Variants in KCNB2 observed in about 807,000 individuals in gnomAD.
KCNB2 encodes delayed rectifier potassium channel protein.
Under a neutral mutation model 61.5 loss-of-function variants are expected in KCNB2, and 15 were observed. That is an observed-to-expected ratio of 0.24 (90% CI 0.16 to 0.38). KCNB2 has a LOEUF of 0.38. Among genes scored for constraint, KCNB2 ranks in the 10% least tolerant of loss-of-function variants. The pLI is 1.00. For synonymous variants in KCNB2, 457 were observed against 446.0 expected (o/e 1.02, Z -0.31); for missense variants, 828 against 1,125.2 (o/e 0.74, Z 3.78).
rs112161895 is a variant in KCNB2 at position 72,839,146 on chromosome 8, A to G, written c.580-96789A>G. 2.6e-3 allele frequency among the ~76,000 whole-genome samples: 395 copies of G among 152,292 alleles called. 2 individuals are homozygous for G. Among genetic ancestry groups the G allele is most frequent in the African/African-American group, 8.9e-3 (372 of 41,566 alleles). On this transcript the variant is annotated intron_variant, in intron 2 of 2. Transcript: ENST00000523207. The stretch of plus-strand genomic sequence containing the variant: ...ATTTCTTCTGCTTTTCTCATTACCA[A>G]ACGTATACCTTTTCTAGTTAAATCA...
intron 2 of KCNB2, among the ~76,000 whole-genome samples, chr8:72,783,419 G>A (rs979248089): frequency 5.3e-5 from 8 of 152,058 alleles, no homozygotes; most frequent in African/African-American, 1.7e-4. Flanking sequence ...TCTTCAAACT[G>A]CTAATCTCTC....
Position 72,938,192 on chromosome 8 carries a change from C to T in KCNB2, c.*101C>T. The T allele has an allele frequency of 1.1e-6, 1 of 927,902 alleles. No homozygotes were observed. The highest frequency in any genetic ancestry group is 1.7e-5 in the South Asian group (1 of 59,440). 57.5% of individuals were successfully genotyped at this position (927,902 alleles called of 1,614,324 possible). On this transcript the variant is annotated 3_prime_UTR_variant, in exon 3 of 3. Coordinates refer to ENST00000523207, the MANE Select transcript of KCNB2 (RefSeq NM_004770.3). ...CCTGTGAACTAAAAAAATGGGAAGCCCTCCCCAAAAAAAGTGCATAAAATG... is the reference window on the plus strand; with the variant it reads ...CCTGTGAACTAAAAAAATGGGAAGCTCTCCCCAAAAAAAGTGCATAAAATG...
intron 2 of KCNB2, among the ~76,000 whole-genome samples, chr8:72,612,757 G>T (rs558358299): frequency 6.6e-4 from 101 of 152,098 alleles, no homozygotes; most frequent in Non-Finnish European, 1.1e-3. Flanking sequence ...TTTTCCTGAG[G>T]CAAGTATGAT....
At chr8:72,858,618 G>A (rs957501579) in intron 2 of KCNB2, among the ~76,000 whole-genome samples, 5 of 152,190 alleles carry the variant, frequency 3.3e-5, no homozygotes, top group Non-Finnish European at 5.9e-5. Flanking sequence ...ACAGCTTGAC[G>A]CTGTAGTCAT....
intron 2 of KCNB2, among the ~76,000 whole-genome samples, chr8:72,775,951 C>T (rs1808641966): frequency 6.6e-6 from 1 of 152,158 alleles, no homozygotes; most frequent in African/African-American, 2.4e-5. Flanking sequence ...CACATGCACA[C>T]ATATGTTCAT....
chr8:72,664,943 G>A (rs1324678580), intron 2 of KCNB2, among the ~76,000 whole-genome samples: 8 of 152,150 alleles, frequency 5.3e-5, no homozygotes, highest in Non-Finnish European at 2.9e-5. Context: ...GAGAATGCCT[G>A]CAGTATAATA....
At chr8:72,579,285 A>G (rs924918014) in intron 2 of KCNB2, among the ~76,000 whole-genome samples, 1 of 152,070 alleles carries the variant, frequency 6.6e-6, no homozygotes, top group Non-Finnish European at 1.5e-5. Flanking sequence ...ATCAGACTTC[A>G]TATTTATTTT....
At chr8:72,607,475 C>T (rs911886242) in intron 2 of KCNB2, among the ~76,000 whole-genome samples, 1 of 152,206 alleles carries the variant, frequency 6.6e-6, no homozygotes, top group African/African-American at 2.4e-5. Flanking sequence ...GTTACCATTA[C>T]AGTGACTCAT....
chr8:72,569,253 C>A (rs116032588), intron 2 of KCNB2, among the ~76,000 whole-genome samples: 1 of 152,018 alleles, frequency 6.6e-6, no homozygotes, highest in African/African-American at 2.4e-5. Context: ...AAATGGAGTA[C>A]GGAATGGAGA....
chr8:72,799,502 A>C (rs1163759593), intron 2 of KCNB2, among the ~76,000 whole-genome samples: 1 of 152,162 alleles, frequency 6.6e-6, no homozygotes, highest in Non-Finnish European at 1.5e-5. Flanking sequence ...AATAATTTAC[A>C]TTCAAAACAC....
intron 2 of KCNB2, among the ~76,000 whole-genome samples, chr8:72,765,595 A>G (rs781131841): frequency 5.3e-5 from 8 of 152,224 alleles, no homozygotes; most frequent in Non-Finnish European, 1.0e-4. Context: ...TTTAATGGAA[A>G]ATAGTCACTT....
intron 2 of KCNB2, among the ~76,000 whole-genome samples, chr8:72,620,945 G>T (rs1285564434): frequency 6.6e-6 from 1 of 152,064 alleles, no homozygotes; most frequent in Non-Finnish European, 1.5e-5. Context: ...ATTGGATTAC[G>T]TTTTAGGCCC....
chr8:72,814,120 A>G (rs1563392801), intron 2 of KCNB2, among the ~76,000 whole-genome samples: 2 of 151,852 alleles, frequency 1.3e-5, no homozygotes, highest in African/African-American at 2.4e-5. Flanking sequence ...CTTTTTTTGT[A>G]TCTAGTTTCT....
At chr8:72,620,127 A>C (rs1805693172) in intron 2 of KCNB2, among the ~76,000 whole-genome samples, 1 of 152,262 alleles carries the variant, frequency 6.6e-6, no homozygotes, top group African/African-American at 2.4e-5. Context: ...TCTACTTTTA[A>C]AAATACCTCT....
At chr8:72,730,397 G>A (rs1807721161) in intron 2 of KCNB2, among the ~76,000 whole-genome samples, 1 of 152,078 alleles carries the variant, frequency 6.6e-6, no homozygotes, top group Non-Finnish European at 1.5e-5. Flanking sequence ...AATGTCAATT[G>A]AATACTAAAA....
chr8:72,636,374 A>T (rs1346579085), intron 2 of KCNB2, among the ~76,000 whole-genome samples: 3 of 152,206 alleles, frequency 2.0e-5, no homozygotes, highest in Non-Finnish European at 4.4e-5. Context: ...CTAGATTTTT[A>T]TGTAAATTAG....
In KCNB2 at chr8:72,644,139, G is replaced by A. The variant is rs1806094797; in HGVS notation, c.579+75826G>A. 2.0e-5 allele frequency among the ~76,000 whole-genome samples: 3 copies of A among 152,028 alleles called. 1 individual carries two copies. Among genetic ancestry groups the A allele is most frequent in the South Asian group, 4.2e-4 (2 of 4,818 alleles). ...TGAAAGAGAGTTTTGTGCTGTATATGAACCAATTGTTTTCATACTCTGAAA... is the reference window on the plus strand; with the variant it reads ...TGAAAGAGAGTTTTGTGCTGTATATAAACCAATTGTTTTCATACTCTGAAA... On this transcript the variant is annotated intron_variant, in intron 2 of 2. Transcript: ENST00000523207.
intron 2 of KCNB2, among the ~76,000 whole-genome samples, chr8:72,711,737 C>G (rs1302725343): frequency 7.7e-6 from 1 of 129,732 alleles, no homozygotes; most frequent in Non-Finnish European, 1.6e-5. Context: ...CGCCTGTAAT[C>G]CCAGCACTTT....
chr8:72,675,297 T>G (rs568668394), intron 2 of KCNB2, among the ~76,000 whole-genome samples: 2 of 152,322 alleles, frequency 1.3e-5, no homozygotes, highest in South Asian at 4.1e-4. Context: ...CTTAATTTGT[T>G]TCAAAGCAAT....
Sources: allele counts gnomAD v4.1 joint callset (sites outside exome capture counted in the v4.1 genomes callset), GRCh38; gene constraint gnomAD v4.1.1; transcripts MANE v1.5; gene names NCBI Gene and HGNC (gene_info 2026-07-23, HGNC 2026-07-21).